UBA6: variants seen among roughly 807,000 people sequenced by gnomAD.
The protein encoded by UBA6 is ubiquitin-like modifier-activating enzyme 6.
UBA6 carries 87 observed loss-of-function variants against 148.3 expected under a neutral mutation model. The ratio of observed to expected loss-of-function variants is 0.59; its 90% CI spans 0.49 to 0.70. The LOEUF is 0.70. UBA6 is among the 30% of genes least tolerant of loss of function. UBA6 has a pLI of 0.00. For missense variants in UBA6, 1,186 were observed against 1,241.2 expected (o/e 0.96, Z 0.67); for synonymous variants, 376 against 401.0 (o/e 0.94, Z 0.75).
chr4:67,638,963 T>C lies in UBA6; in HGVS notation c.1716A>G (p.Glu572=), dbSNP rs754886144. Residue 572 remains glutamate (E), a synonymous_variant, in exon 19 of 33, where the codon GAA becomes GAG. Coordinates refer to ENST00000322244, the MANE Select transcript of UBA6 (RefSeq NM_018227.6). ...CATACCTGTCTACGTATCTCCTGGC[T>C]TCCACATTATCTAATGCTGTAATAA... The part of the protein sequence containing the change: ...DVIITALDNV[E]ARRYVDSRCL... The C allele has an allele frequency of 6.2e-7, 1 of 1,608,914 alleles. No homozygotes were observed. The highest frequency in any genetic ancestry group is 8.5e-7 in the Non-Finnish European group (1 of 1,177,286).
chr4:67,649,599 C>T (rs1193007935), intron 13 of UBA6, among the ~76,000 whole-genome samples: 1 of 151,702 alleles, frequency 6.6e-6, no homozygotes, highest in African/African-American at 2.4e-5. Context: ...ATGAAAAAAC[C>T]CTGAACTATG....
chr4:67,677,525 T>G, intron 6 of UBA6, 86 bp downstream of exon 6: 1 of 610,424 alleles, frequency 1.6e-6, no homozygotes. Context: ...CTCAATACAC[T>G]AGGTTAAATT....
At chr4:67,636,292 T>C (rs963388671) in intron 19 of UBA6, among the ~76,000 whole-genome samples, 12 of 152,350 alleles carry the variant, frequency 7.9e-5, no homozygotes, top group Admixed American at 4.6e-4. Context: ...TACATAGTGT[T>C]ATGAAAATCA....
At chr4:67,638,853 G>T in intron 19 of UBA6, 90 bp downstream of exon 19, 1 of 951,866 alleles carries the variant, frequency 1.1e-6, no homozygotes, top group Non-Finnish European at 1.6e-6. Flanking sequence ...GGAATAATCA[G>T]ATAATTCCGT....
chr4:67,655,717 C>T (rs1376763772), intron 13 of UBA6, among the ~76,000 whole-genome samples: 2 of 151,962 alleles, frequency 1.3e-5, no homozygotes, highest in Admixed American at 6.6e-5. Context: ...GATAGAGACA[C>T]AAAAAACCCT....
intron 13 of UBA6, among the ~76,000 whole-genome samples, chr4:67,652,594 C>T (rs1344976810): frequency 6.6e-6 from 1 of 152,200 alleles, no homozygotes; most frequent in Non-Finnish European, 1.5e-5. Context: ...TCGTCTGCAG[C>T]TCCCAGCGAG....
Position 67,701,063 on chromosome 4 carries a change from G to A in UBA6, c.57C>T (p.Ser19=), listed in dbSNP as rs1730969971. ...AHQGEEASCS[S]WGTGSTNKNL... is the part of the protein sequence containing the mutation. ...CGTCCTCTCACCTGCCAGTCCCCCA[G>A]GAAGAACAGGACGCCTCTTCCCCCT... The change falls in exon 1 of 33, where the codon TCC becomes TCT. Residue 19 remains serine (S), a synonymous_variant. Transcript: ENST00000322244. The A allele has an allele frequency of 1.2e-6, 2 of 1,613,690 alleles. No homozygotes were observed. Among genetic ancestry groups the A allele is most frequent in the East Asian group, 2.2e-5 (1 of 44,882 alleles).
Position 67,668,734 on chromosome 4 carries a change from T to C in UBA6, c.670-60A>G, listed in dbSNP as rs994810794. 5.0e-5 allele frequency: 74 copies of C among 1,478,700 alleles called. No individual in the cohort carries two copies. The Admixed American group carries it at 5.3e-4, about 11-fold the overall frequency. The allele number at this position is 1,478,700 out of a possible 1,614,324, so 91.6% of individuals were successfully genotyped here. ...CTTTTTTGTATTCTTTGTGTACAAATTCAAATCTTAAGCAAAAATGACAAA... is the reference window on the plus strand; with the variant it reads ...CTTTTTTGTATTCTTTGTGTACAAACTCAAATCTTAAGCAAAAATGACAAA... On this transcript the variant is annotated intron_variant, in intron 8 of 32. Coordinates refer to ENST00000322244, the MANE Select transcript of UBA6 (RefSeq NM_018227.6).
At chr4:67,679,959 A>G (rs576928144) in intron 4 of UBA6, among the ~76,000 whole-genome samples, 2 of 152,184 alleles carry the variant, frequency 1.3e-5, no homozygotes, top group Admixed American at 6.6e-5. Flanking sequence ...ATCAATGAAA[A>G]TAACTATAAT....
At chr4:67,651,896 T>G (rs1470433741) in intron 13 of UBA6, among the ~76,000 whole-genome samples, 1 of 152,174 alleles carries the variant, frequency 6.6e-6, no homozygotes, top group Non-Finnish European at 1.5e-5. Flanking sequence ...AAAATTAACT[T>G]TCATCTATAC....
At chr4:67,649,518 G>A (rs1729502462) in intron 13 of UBA6, among the ~76,000 whole-genome samples, 1 of 152,040 alleles carries the variant, frequency 6.6e-6, no homozygotes, top group South Asian at 2.1e-4. Flanking sequence ...ACAGTTCTGT[G>A]ATGCCAGTCA....
At chr4:67,654,361 GA>G (rs1442343227) in intron 13 of UBA6, among the ~76,000 whole-genome samples, 2 of 152,212 alleles carry the variant, frequency 1.3e-5, no homozygotes, top group African/African-American at 4.8e-5. Context: ...CTCCATGCCA[GA>G]AGAGAGTGGG....
At chr4:67,633,220 A>T in intron 23 of UBA6, 125 bp downstream of exon 23, 2 of 790,026 alleles carry the variant, frequency 2.5e-6, no homozygotes, top group Non-Finnish European at 3.8e-6. Context: ...CATTTAACTT[A>T]CTACTAATTT....
At chr4:67,626,585 A>G (rs1342761298) in intron 27 of UBA6, 108 bp from the exon 28 acceptor site, 14 of 693,142 alleles carry the variant, frequency 2.0e-5, no homozygotes, top group Non-Finnish European at 3.3e-5. Context: ...TTCTCTATAT[A>G]TTTTGATCAG....
chr4:67,619,188 G>T lies in UBA6; in HGVS notation c.3024-56C>A, dbSNP rs28673851. 2,261 of 1,407,268 alleles carry T rather than the reference G, an allele frequency of 1.6e-3. 35 individuals are homozygous for T. In the African/African-American group the frequency reaches 0.028, roughly 17 times the overall value. The allele number at this position is 1,407,268 out of a possible 1,614,324, so 87.2% of individuals were successfully genotyped here. On this transcript the variant is annotated intron_variant, in intron 32 of 32. Transcript: ENST00000322244. Reference sequence around the variant, plus strand: ...GGTAAATTCTATAAAATGAAAAAATGATTTGCTGACTAATGCCATCCAGAG... The same window carrying T: ...GGTAAATTCTATAAAATGAAAAAATTATTTGCTGACTAATGCCATCCAGAG...
chr4:67,685,197 A>G (rs6845248), intron 2 of UBA6, among the ~76,000 whole-genome samples: 34,891 of 151,994 alleles, frequency 0.23, 4,166 homozygotes, highest in Middle Eastern at 0.29. Context: ...ATTTACTCCC[A>G]TATTTCTAAA....
chr4:67,697,310 G>T (rs978784724), intron 1 of UBA6, among the ~76,000 whole-genome samples: 2 of 152,140 alleles, frequency 1.3e-5, no homozygotes, highest in Non-Finnish European at 2.9e-5. Flanking sequence ...CGCCTGTTTG[G>T]TACATATATT....
chr4:67,677,818 G>T, intron 5 of UBA6, 96 bp from the exon 6 acceptor site: 1 of 574,266 alleles, frequency 1.7e-6, no homozygotes, highest in Non-Finnish European at 2.9e-6. Flanking sequence ...AACCTGACAT[G>T]TTACAAAATT....
chr4:67,647,540 GT>G (rs909997768), intron 14 of UBA6, among the ~76,000 whole-genome samples: 194 of 152,082 alleles, frequency 1.3e-3, no homozygotes, highest in African/African-American at 4.3e-3. Context: ...ATGTGTATGT[GT>G]ATGTCATCTA....
Sources: allele counts gnomAD v4.1 joint callset (sites outside exome capture counted in the v4.1 genomes callset), GRCh38; gene constraint gnomAD v4.1.1; transcripts MANE v1.5; gene names NCBI Gene and HGNC (gene_info 2026-07-23, HGNC 2026-07-21).